The following AKAP3 variants were observed in gnomAD, a reference collection of about 807,000 sequenced individuals.
AKAP3 encodes A-kinase anchor protein 3.
A neutral mutation model predicts 57.2 loss-of-function variants in AKAP3; 27 were observed. The observed-to-expected ratio is 0.47, with a 90% confidence interval of 0.35 to 0.65. AKAP3 has a LOEUF of 0.65. AKAP3 is among the 30% of genes least tolerant of loss of function. The pLI is 0.01. For synonymous variants in AKAP3, 334 were observed against 392.3 expected (o/e 0.85, Z 1.76); for missense variants, 959 against 1,040.0 (o/e 0.92, Z 1.07).
rs1211377481 is a variant in AKAP3 at position 4,628,263 on chromosome 12, T to C, written c.639A>G (p.Lys213=). The C allele has an allele frequency of 6.2e-7, 1 of 1,613,950 alleles. No homozygotes were observed. Among genetic ancestry groups the C allele is most frequent in the East Asian group, 2.2e-5 (1 of 44,888 alleles). The change falls in exon 5 of 6, where the codon AAA becomes AAG. Residue 213 remains lysine, a synonymous_variant. Transcript: ENST00000228850. ...SGSSQSPPNL[K]YKSTLKIKES... The stretch of plus-strand genomic sequence containing the variant: ...CCTTGATCTTCAAAGTGGACTTGTA[T>C]TTCAAATTTGGGGGACTTTGTGATG...
chr12:4,624,660 G>T (rs1180886270), intron 5 of AKAP3, among the ~76,000 whole-genome samples: 7 of 151,986 alleles, frequency 4.6e-5, no homozygotes, highest in Non-Finnish European at 4.4e-5. Context: ...AGTTTCTTTG[G>T]TGTCTATGTC....
rs1032436194 is a variant in AKAP3, at chr12:4,615,956, C to A, written c.2407-62G>T. ...GCATCTCATGGCAGGCCAGATGGAG[C>A]CTGCCAAGGCTGGAGCAGAGAGGCC... On this transcript the variant is annotated intron_variant, in intron 5 of 5. Transcript: ENST00000228850. The A allele has an allele frequency of 3.7e-6, 6 of 1,603,672 alleles. No homozygotes were observed. The African/African-American group carries it at 6.7e-5, about 18-fold the overall frequency.
intron 3 of AKAP3, among the ~76,000 whole-genome samples, chr12:4,640,143 T>G (rs1192401343): frequency 6.6e-6 from 1 of 152,162 alleles, no homozygotes; most frequent in Non-Finnish European, 1.5e-5. Flanking sequence ...TAATCCAGTC[T>G]ATCATTGATG....
rs1945436029 is a variant in AKAP3, at chr12:4,627,557, G to A, written c.1345C>T (p.Leu449=). The part of the protein sequence containing the change: ...KSEEETCAKT[L]GEHIIKEGLT... Reference sequence around the variant, plus strand: ...CCCTCTTTGATAATGTGCTCACCCAGAGTTTTCGCACAAGTCTCCTCCTCT... The same window carrying A: ...CCCTCTTTGATAATGTGCTCACCCAAAGTTTTCGCACAAGTCTCCTCCTCT... Residue 449 remains leucine, a synonymous_variant, in exon 5 of 6, where the codon CTG becomes TTG. Coordinates refer to ENST00000228850, the MANE Select transcript of AKAP3 (RefSeq NM_001278309.2). 6.2e-7 allele frequency: 1 copy of A among 1,614,122 alleles called. No homozygotes were observed. The highest frequency in any genetic ancestry group is 8.5e-7 in the Non-Finnish European group (1 of 1,180,018).
intron 5 of AKAP3, among the ~76,000 whole-genome samples, chr12:4,624,159 A>G (rs6416316): frequency 0.8 from 121,034 of 152,036 alleles, 48,725 homozygotes; most frequent in East Asian, 0.86. Context: ...TCCATACATA[A>G]GGGAGGGGTT....
chr12:4,649,016 A>AC lies in AKAP3; in HGVS notation c.-517dup, dbSNP rs1436832139. Reference sequence around the variant, plus strand: ...CTTCTTAACCAACAATCTACCCGAAACCGTCGTTTCTTGGTTAGCGCTTGC... The same window carrying AC: ...CTTCTTAACCAACAATCTACCCGAAACCCGTCGTTTCTTGGTTAGCGCTTGC... On this transcript the variant is annotated 5_prime_UTR_variant, in exon 1 of 6. Transcript: ENST00000228850. The AC allele has an allele frequency of 1.0e-5, 13 of 1,257,152 alleles. No individual in the cohort carries two copies. In the African/African-American group the frequency reaches 1.9e-4, roughly 19 times the overall value. 77.9% of individuals were successfully genotyped at this position (1,257,152 alleles called of 1,614,324 possible).
chr12:4,636,525 T>C (rs2137443528), intron 4 of AKAP3, among the ~76,000 whole-genome samples: 1 of 152,350 alleles, frequency 6.6e-6, no homozygotes, highest in East Asian at 1.9e-4. Context: ...CTGCCTTTTG[T>C]TTCTCCAAAT....
chr12:4,627,038 C>G lies in AKAP3; in HGVS notation c.1864G>C (p.Val622Leu), dbSNP rs1475190872. The G allele has an allele frequency of 1.9e-6, 3 of 1,614,032 alleles. No homozygotes were observed. The highest frequency in any genetic ancestry group is 2.5e-6 in the Non-Finnish European group (3 of 1,179,924). Residue 622 changes from valine (V) to leucine (L), a missense_variant, in exon 5 of 6, where the codon GTT becomes CTT. Transcript: ENST00000228850. ...SPEPKVPEQP[V>L]KEDRKLCERP... ...TCACACAACTTCCTATCTTCCTTAA[C>G]TGGCTGTTCCGGCACCTTGGGTTCA...
rs36066195 is a variant in AKAP3, at chr12:4,628,642, T to G, written c.260A>C (p.Asn87Thr). 1.6e-3 allele frequency: 2,521 copies of G among 1,614,192 alleles called. 31 individuals carry two copies. The African/African-American group carries it at 0.029, about 18-fold the overall frequency. ...PHKGFSVDYY[N>T]TTTKGTPERL... is the part of the protein sequence containing the mutation. The stretch of plus-strand genomic sequence containing the variant: ...TTCTGGAGTGCCCTTGGTGGTGGTG[T>G]TGTAATAGTCTACAGAGAAACCTTT... Residue 87 changes from asparagine (N) to threonine (T), a missense_variant, in exon 5 of 6, where the codon AAC (asparagine) becomes ACC (threonine). Transcript: ENST00000228850.
intron 4 of AKAP3, chr12:4,635,546 G>C (rs965428922): frequency 2.8e-6 from 2 of 702,710 alleles, no homozygotes; most frequent in Non-Finnish European, 5.3e-6. Flanking sequence ...ATAGGACTGT[G>C]CTTCCTGGAA....
At chr12:4,635,872 G>T in intron 4 of AKAP3, 1 of 669,098 alleles carries the variant, frequency 1.5e-6, no homozygotes, top group Non-Finnish European at 2.7e-6. Flanking sequence ...TCTATTTTCT[G>T]GCTAAGAACC....
intron 4 of AKAP3, chr12:4,635,563 T>C: frequency 1.4e-6 from 1 of 708,968 alleles, no homozygotes; most frequent in South Asian, 1.5e-5. Flanking sequence ...GGAAATCTAC[T>C]GCTCTTTTAT....
intron 5 of AKAP3, among the ~76,000 whole-genome samples, chr12:4,620,890 C>T (rs1372030915): frequency 1.3e-5 from 2 of 152,160 alleles, no homozygotes; most frequent in Non-Finnish European, 2.9e-5. Flanking sequence ...TTATTTTAGT[C>T]TACTCCTTCT....
chr12:4,626,728 G>A lies in AKAP3; in HGVS notation c.2174C>T (p.Ser725Leu), dbSNP rs2072357. ...GGCATTCTGCAGGACAGCTTCTGCT[G>A]ACCCTGTGCCCTTGGCTGGTAAGCA... ...YECLPAKGTG[S>L]AEAVLQNAYQ... Residue 725 changes from serine to leucine, a missense_variant, in exon 5 of 6, where the codon TCA (serine) becomes TTA (leucine). Transcript: ENST00000228850. 0.054 allele frequency: 87,020 copies of A among 1,614,090 alleles called. 5,088 individuals are homozygous for A. The highest frequency in any genetic ancestry group is 0.28 in the East Asian group (12,493 of 44,878).
intron 5 of AKAP3, among the ~76,000 whole-genome samples, chr12:4,618,547 C>T (rs554524815): frequency 2.0e-4 from 30 of 152,218 alleles, no homozygotes; most frequent in Admixed American, 3.9e-4. Context: ...CATGGCCTTG[C>T]ATAGGTCAAG....
intron 4 of AKAP3, chr12:4,635,861 G>T: frequency 1.5e-6 from 1 of 662,660 alleles, no homozygotes; most frequent in Non-Finnish European, 2.7e-6. Context: ...TATCCAAAAC[G>T]TCTATTTTCT....
Position 4,633,737 on chromosome 12 carries a change from C to T in AKAP3, c.96+4364G>A, listed in dbSNP as rs200789388. Reference sequence around the variant, plus strand: ...TATTTTCTCTGCTCAGCATCTTTTGCTTCAGTAGTTTTAAGTCAGCTATCT... The same window carrying T: ...TATTTTCTCTGCTCAGCATCTTTTGTTTCAGTAGTTTTAAGTCAGCTATCT... On this transcript the variant is annotated intron_variant, in intron 4 of 5. Coordinates refer to ENST00000228850, the MANE Select transcript of AKAP3 (RefSeq NM_001278309.2). Among the ~76,000 whole-genome samples the T allele has an allele frequency of 7.8e-4, 81 of 103,946 alleles. 2 individuals carry two copies. The highest frequency in any genetic ancestry group is 1.3e-3 in the Admixed American group (15 of 11,600). The allele number at this position is 103,946 out of a possible 152,430, so 68.2% of individuals were successfully genotyped here.
At chr12:4,638,566 G>T (rs1306673194) in intron 3 of AKAP3, among the ~76,000 whole-genome samples, 2 of 152,108 alleles carry the variant, frequency 1.3e-5, no homozygotes, top group East Asian at 3.9e-4. Flanking sequence ...AAAACTCAAG[G>T]TGACCAAAAT....
At chr12:4,616,610 CTG>C (rs1247010056) in intron 5 of AKAP3, among the ~76,000 whole-genome samples, 3 of 152,120 alleles carry the variant, frequency 2.0e-5, no homozygotes, top group African/African-American at 7.2e-5. Flanking sequence ...ATGTGAGAAA[CTG>C]AAACAGAAGA....
Sources: gnomAD v4.1 joint callset for allele counts (sites outside exome capture counted in the v4.1 genomes callset) on GRCh38, gnomAD v4.1.1 for gene constraint, MANE v1.5 for transcripts, NCBI Gene and HGNC (gene_info 2026-07-23, HGNC 2026-07-21) for gene names.